DLG2: variants seen among roughly 807,000 people sequenced by gnomAD.
The protein encoded by DLG2 is discs large MAGUK scaffold protein 2.
A neutral mutation model predicts 132.5 loss-of-function variants in DLG2; 45 were observed. That is an observed-to-expected ratio of 0.34 (90% CI 0.27 to 0.44). The LOEUF is 0.44. DLG2 is among the 20% of genes least tolerant of loss of function. The pLI is 1.00. For synonymous variants in DLG2, 424 were observed against 419.6 expected (o/e 1.01, Z -0.13); for missense variants, 1,045 against 1,196.9 (o/e 0.87, Z 1.87).
chr11:85,524,059 G>A (rs964065812), intron 3 of DLG2, among the ~76,000 whole-genome samples: 7 of 152,166 alleles, frequency 4.6e-5, no homozygotes, highest in African/African-American at 1.7e-4. Context: ...GAGATGGAGA[G>A]TAGAACAATG....
intron 4 of DLG2, among the ~76,000 whole-genome samples, chr11:85,204,301 G>A (rs1224027691): frequency 6.6e-6 from 1 of 152,028 alleles, no homozygotes; most frequent in African/African-American, 2.4e-5. Flanking sequence ...AAACACTTTA[G>A]CAGAAAACTG....
At chr11:85,439,549 C>T (rs186155645) in intron 3 of DLG2, among the ~76,000 whole-genome samples, 3,417 of 151,876 alleles carry the variant, frequency 0.022, 124 homozygotes, top group African/African-American at 0.077. Context: ...TTAGTAGAGA[C>T]GGGGTTTCAC....
At chr11:85,443,902 C>T (rs1474730001) in intron 3 of DLG2, among the ~76,000 whole-genome samples, 1 of 152,094 alleles carries the variant, frequency 6.6e-6, no homozygotes, top group Non-Finnish European at 1.5e-5. Flanking sequence ...CTAATTTTTT[C>T]AGGAGTATGT....
intron 3 of DLG2, among the ~76,000 whole-genome samples, chr11:85,409,691 G>A (rs762366995): frequency 2.1e-4 from 32 of 151,792 alleles, no homozygotes; most frequent in Non-Finnish European, 4.0e-4. Context: ...TATATCTGGG[G>A]GGGTGGAGAA....
chr11:84,829,005 A>C (rs2078682293), intron 6 of DLG2, among the ~76,000 whole-genome samples: 1 of 151,656 alleles, frequency 6.6e-6, no homozygotes, highest in Non-Finnish European at 1.5e-5. Context: ...GTCTCTTTTC[A>C]ACAGAACCCG....
At chr11:84,231,019 C>A (rs1432314248) in intron 8 of DLG2, among the ~76,000 whole-genome samples, 1 of 152,144 alleles carries the variant, frequency 6.6e-6, no homozygotes, top group Admixed American at 6.5e-5. Flanking sequence ...GAAATTGTTA[C>A]CCTGCTAAAA....
At chr11:85,472,994 G>T (rs1456041014) in intron 3 of DLG2, among the ~76,000 whole-genome samples, 1 of 152,204 alleles carries the variant, frequency 6.6e-6, no homozygotes, top group African/African-American at 2.4e-5. Flanking sequence ...CTGCCTTTGG[G>T]GTTCTGTGGT....
At chr11:84,316,935 T>C in intron 7 of DLG2, 1 of 1,612,824 alleles carries the variant, frequency 6.2e-7, no homozygotes, top group Non-Finnish European at 8.5e-7. Context: ...CACAAGGTCC[T>C]GTTGAAGCTG....
At chr11:84,261,130 T>C (rs1250253668) in intron 7 of DLG2, among the ~76,000 whole-genome samples, 1 of 152,206 alleles carries the variant, frequency 6.6e-6, no homozygotes, top group Non-Finnish European at 1.5e-5. Flanking sequence ...AAGCTGCCAA[T>C]AACCTGGTTC....
chr11:84,716,997 G>C (rs2061313363), intron 6 of DLG2, among the ~76,000 whole-genome samples: 1 of 151,976 alleles, frequency 6.6e-6, no homozygotes, highest in African/African-American at 2.4e-5. Flanking sequence ...AAATTGAATA[G>C]CTCTCAGGAT....
At chr11:84,646,135 G>A (rs1453739156) in intron 6 of DLG2, among the ~76,000 whole-genome samples, 4 of 152,098 alleles carry the variant, frequency 2.6e-5, no homozygotes, top group African/African-American at 7.2e-5. Context: ...GTGGGGGTGC[G>A]GCTGTATTCT....
chr11:84,257,429 A>G (rs1187988026), intron 7 of DLG2, among the ~76,000 whole-genome samples: 1 of 152,204 alleles, frequency 6.6e-6, no homozygotes, highest in Non-Finnish European at 1.5e-5. Flanking sequence ...ATACTGGGAC[A>G]GATAATAATA....
rs71066064 is a variant in DLG2, at chr11:83,770,265, G to GTTTTTTTTTTTTT, written c.1825+16424_1825+16425insAAAAAAAAAAAAA. Among the ~76,000 whole-genome samples, 66 of 128,756 alleles carry GTTTTTTTTTTTTT rather than the reference G, an allele frequency of 5.1e-4. 4 individuals carry two copies. Among genetic ancestry groups the GTTTTTTTTTTTTT allele is most frequent in the South Asian group, 2.1e-3 (8 of 3,856 alleles). The allele number at this position is 128,756 out of a possible 152,430, so 84.5% of individuals were successfully genotyped here. ...CTCGTGGTGTCTGGTGTTTTTTTTT[G>GTTTTTTTTTTTTT]TTTTTTTGCTTTTTGTACAAAGATT... On this transcript the variant is annotated intron_variant, in intron 18 of 27. Transcript: ENST00000376104.
chr11:84,269,009 C>G (rs1012028191), intron 7 of DLG2, among the ~76,000 whole-genome samples: 1 of 139,138 alleles, frequency 7.2e-6, no homozygotes, highest in Non-Finnish European at 1.6e-5. Context: ...TGTTTTATTT[C>G]TTTTGTTTTG....
intron 6 of DLG2, among the ~76,000 whole-genome samples, chr11:84,646,918 C>A (rs1291013548): frequency 1.3e-5 from 2 of 152,198 alleles, no homozygotes; most frequent in East Asian, 3.9e-4. Flanking sequence ...CAAGTTATAA[C>A]CCAGGCATAT....
intron 14 of DLG2, among the ~76,000 whole-genome samples, chr11:83,955,831 A>G (rs1444059566): frequency 6.6e-6 from 1 of 152,084 alleles, no homozygotes; most frequent in African/African-American, 2.4e-5. Flanking sequence ...TCTGCCCTCA[A>G]ACAATAGACT....
chr11:84,465,544 GT>G (rs2154487301), intron 7 of DLG2, among the ~76,000 whole-genome samples: 1 of 151,258 alleles, frequency 6.6e-6, no homozygotes, highest in South Asian at 2.1e-4. Context: ...TCAGTTTAAA[GT>G]TTGCCATTTA....
chr11:85,408,776 T>C (rs1332948535), intron 3 of DLG2, among the ~76,000 whole-genome samples: 6 of 151,772 alleles, frequency 4.0e-5, no homozygotes, highest in African/African-American at 1.2e-4. Flanking sequence ...TGTGCCACAT[T>C]TTCTTAATCC....
chr11:84,840,360 G>A (rs1256357129), intron 6 of DLG2, among the ~76,000 whole-genome samples: 3 of 152,142 alleles, frequency 2.0e-5, no homozygotes, highest in Non-Finnish European at 4.4e-5. Flanking sequence ...GAGAGGATGT[G>A]GAGATATAGG....
Sources: gnomAD v4.1 joint callset for allele counts (sites outside exome capture counted in the v4.1 genomes callset) on GRCh38, gnomAD v4.1.1 for gene constraint, MANE v1.5 for transcripts, NCBI Gene and HGNC (gene_info 2026-07-23, HGNC 2026-07-21) for gene names.